Variants in NRXN3 observed in about 807,000 individuals in gnomAD.
NRXN3 encodes neurexin III.
A neutral mutation model predicts 137.6 loss-of-function variants in NRXN3; 32 were observed. The ratio of observed to expected loss-of-function variants is 0.23; its 90% CI spans 0.18 to 0.31. The LOEUF is 0.31. Ranked by LOEUF, NRXN3 falls within the 10% of genes least tolerant of loss-of-function variation. NRXN3 has a pLI of 1.00. For synonymous variants in NRXN3, 798 were observed against 784.5 expected (o/e 1.02, Z -0.29); for missense variants, 1,574 against 2,062.5 (o/e 0.76, Z 4.59).
chr14:79,672,529 T>C (rs1164272884), intron 17 of NRXN3, among the ~76,000 whole-genome samples: 2 of 152,038 alleles, frequency 1.3e-5, no homozygotes, highest in Non-Finnish European at 2.9e-5. Context: ...CATCTCCCTC[T>C]ATGTGAGGCA....
At chr14:79,222,922 C>T (rs1425620667) in intron 15 of NRXN3, among the ~76,000 whole-genome samples, 1 of 151,918 alleles carries the variant, frequency 6.6e-6, no homozygotes, top group Non-Finnish European at 1.5e-5. Flanking sequence ...GATAACAGTC[C>T]TTTATCATTA....
At chr14:79,701,829 G>T (rs1195651911) in intron 19 of NRXN3, among the ~76,000 whole-genome samples, 3 of 152,022 alleles carry the variant, frequency 2.0e-5, no homozygotes, top group Non-Finnish European at 4.4e-5. Context: ...AGGGAGGGTG[G>T]TGTACTTCTA....
intron 15 of NRXN3, among the ~76,000 whole-genome samples, chr14:79,400,729 C>T (rs75480999): frequency 0.035 from 5,334 of 152,222 alleles, 317 homozygotes; most frequent in African/African-American, 0.12. Flanking sequence ...AATTAATAAT[C>T]TTTTGATACT....
intron 8 of NRXN3, among the ~76,000 whole-genome samples, chr14:78,769,111 A>G (rs1246432363): frequency 6.6e-6 from 1 of 152,192 alleles, no homozygotes; most frequent in African/African-American, 2.4e-5. Flanking sequence ...GAGTTACCTT[A>G]TTAGGATAAA....
At chr14:78,967,184 G>GTTTTTTTTTTTTTTT in intron 12 of NRXN3, 24 bp from the exon 13 acceptor site, 6 of 1,421,226 alleles carry the variant, frequency 4.2e-6, no homozygotes, top group Non-Finnish European at 4.8e-6. Context: ...TCCAATTATT[G>GTTTTTTTTTTTTTTT]TTTTTTTTTT....
At chr14:78,583,785 G>C (rs2097029610) in intron 4 of NRXN3, among the ~76,000 whole-genome samples, 1 of 152,120 alleles carries the variant, frequency 6.6e-6, no homozygotes, top group African/African-American at 2.4e-5. Context: ...AGCTTGCCCT[G>C]CTTGTTGAAA....
At position 78,219,102 on chromosome 14, in the gene NRXN3, A is replaced by G. The variant is rs570384519; in HGVS notation, c.-703-23289A>G. 7.9e-5 allele frequency among the ~76,000 whole-genome samples: 12 copies of G among 152,276 alleles called. No individual in the cohort carries two copies. The South Asian group carries it at 2.5e-3, about 32-fold the overall frequency. On this transcript the variant is annotated intron_variant, in intron 1 of 20. Coordinates refer to ENST00000335750, the MANE Select transcript of NRXN3 (RefSeq NM_001330195.2). ...CATTTTAACTTAGTTAGCTCTTTAA[A>G]TAATCTAACTCCAAATACAGTCACA...
At chr14:78,360,055 T>C (rs1187821366) in intron 4 of NRXN3, among the ~76,000 whole-genome samples, 1 of 152,176 alleles carries the variant, frequency 6.6e-6, no homozygotes, top group Non-Finnish European at 1.5e-5. Flanking sequence ...ACCAACTCCA[T>C]GTCGTCATAA....
At chr14:78,676,603 C>T (rs756950748) in intron 6 of NRXN3, among the ~76,000 whole-genome samples, 2 of 152,044 alleles carry the variant, frequency 1.3e-5, no homozygotes, top group Non-Finnish European at 2.9e-5. Flanking sequence ...TGATATAGAA[C>T]CTGCAGCAAG....
At position 79,571,683 on chromosome 14, in the gene NRXN3, C is replaced by G. The variant is rs565522289; in HGVS notation, c.3445-92095C>G. Among the ~76,000 whole-genome samples, 6 of 152,190 alleles carry G rather than the reference C, an allele frequency of 3.9e-5. No homozygotes were observed. In the South Asian group the frequency reaches 1.2e-3, roughly 32 times the overall value. ...TTAGTTTGCACTGTTAGTTCTGAAG[C>G]TAGTTTGGTAACAAAAAGTTATTGT... On this transcript the variant is annotated intron_variant, in intron 16 of 20. Transcript: ENST00000335750.
At chr14:79,426,026 A>T (rs1044253731) in intron 15 of NRXN3, among the ~76,000 whole-genome samples, 8 of 152,082 alleles carry the variant, frequency 5.3e-5, no homozygotes, top group Non-Finnish European at 7.4e-5. Context: ...AGAGAAATAG[A>T]TTCATATATG....
chr14:78,250,946 C>CAGAGAGAG (rs142667374), intron 2 of NRXN3, among the ~76,000 whole-genome samples: 4 of 147,588 alleles, frequency 2.7e-5, no homozygotes, highest in South Asian at 2.2e-4. Context: ...TCCTTCTAGC[C>CAGAGAGAG]AGAGAGAGAG....
chr14:79,483,432 G>C (rs2096626508), intron 16 of NRXN3, among the ~76,000 whole-genome samples: 1 of 152,190 alleles, frequency 6.6e-6, no homozygotes, highest in Non-Finnish European at 1.5e-5. Flanking sequence ...TTAGGCCAGT[G>C]GTGTCCCAGC....
intron 16 of NRXN3, among the ~76,000 whole-genome samples, chr14:79,523,124 C>T (rs1005736094): frequency 6.6e-6 from 1 of 152,078 alleles, no homozygotes; most frequent in Non-Finnish European, 1.5e-5. Context: ...ACACTGTGTG[C>T]GAACTTGGTG....
At chr14:79,365,725 C>CAAAAAAAAAAAAAAAAAAAAAAA (rs569855024) in intron 15 of NRXN3, among the ~76,000 whole-genome samples, 4 of 42,396 alleles carry the variant, frequency 9.4e-5, no homozygotes, top group Non-Finnish European at 1.2e-4. Context: ...GACTCTGTCT[C>CAAAAAAAAAAAAAAAAAAAAAAA]AAAAAAAAAA....
chr14:78,252,938 A>G (rs1306232767), intron 2 of NRXN3, among the ~76,000 whole-genome samples: 9 of 152,324 alleles, frequency 5.9e-5, no homozygotes. Flanking sequence ...CTGGGAGTTT[A>G]CCACACACTC....
intron 9 of NRXN3, 36 bp downstream of exon 9, chr14:78,803,859 G>T: frequency 6.4e-7 from 1 of 1,570,522 alleles, no homozygotes; most frequent in Non-Finnish European, 8.7e-7. Context: ...CTTCGTTTGG[G>T]CTTGTCTTCC....
chr14:79,662,191 A>G (rs1262549839), intron 16 of NRXN3, among the ~76,000 whole-genome samples: 1 of 152,112 alleles, frequency 6.6e-6, no homozygotes, highest in African/African-American at 2.4e-5. Context: ...GTCTTTACTC[A>G]CAGAATGGAA....
At position 79,540,403 on chromosome 14, in the gene NRXN3, A is replaced by G. The variant is rs185244757; in HGVS notation, c.3444+73001A>G. ...GTGTTTAGCGTATTCATCACCTCAT[A>G]TATTTACCTTTTTCTTCTGGTGAGA... On this transcript the variant is annotated intron_variant, in intron 16 of 20. Coordinates refer to ENST00000335750, the MANE Select transcript of NRXN3 (RefSeq NM_001330195.2). 2.4e-3 allele frequency among the ~76,000 whole-genome samples: 361 copies of G among 152,228 alleles called. 3 individuals are homozygous for G. Among genetic ancestry groups the G allele is most frequent in the Middle Eastern group, 0.01 (3 of 294 alleles).
Sources: allele counts gnomAD v4.1 joint callset (sites outside exome capture counted in the v4.1 genomes callset), GRCh38; gene constraint gnomAD v4.1.1; transcripts MANE v1.5; gene names NCBI Gene and HGNC (gene_info 2026-07-23, HGNC 2026-07-21).